The following NBEA variants were observed in gnomAD, a reference collection of about 807,000 sequenced individuals.
The protein encoded by NBEA is lysosomal-trafficking regulator 2.
Under a neutral mutation model 343.4 loss-of-function variants are expected in NBEA, and 44 were observed. That is an observed-to-expected ratio of 0.13 (90% CI 0.10 to 0.16). The LOEUF (loss-of-function observed/expected upper bound fraction) is 0.16. Ranked by LOEUF, NBEA falls within the 10% of genes least tolerant of loss-of-function variation. The pLI is 1.00. For synonymous variants in NBEA, 1,175 were observed against 1,238.7 expected (o/e 0.95, Z 1.08); for missense variants, 2,555 against 3,631.3 (o/e 0.70, Z 7.62).
chr13:35,363,248 T>G lies in NBEA; in HGVS notation c.6179+10925T>G, dbSNP rs543918757. 5.6e-4 allele frequency among the ~76,000 whole-genome samples: 85 copies of G among 152,042 alleles called. 1 individual carries two copies. Among genetic ancestry groups the G allele is most frequent in the African/African-American group, 1.9e-3 (80 of 41,538 alleles). On this transcript the variant is annotated intron_variant, in intron 38 of 58. Coordinates refer to ENST00000379939, the MANE Select transcript of NBEA (RefSeq NM_001385012.1). ...TAATAATTTTACTGGTGTAAAGCCC[T>G]GGGATTCTTATTTCACTCTGGAATC...
chr13:35,241,318 T>G (rs1219511629), intron 34 of NBEA, among the ~76,000 whole-genome samples: 1 of 151,810 alleles, frequency 6.6e-6, no homozygotes, highest in East Asian at 1.9e-4. Flanking sequence ...CATTGTAGAC[T>G]GGGGAGAAAT....
chr13:35,268,851 A>G (rs1392886654), intron 34 of NBEA, among the ~76,000 whole-genome samples: 3 of 152,134 alleles, frequency 2.0e-5, no homozygotes, highest in Non-Finnish European at 4.4e-5. Flanking sequence ...TATGCAAGCC[A>G]GAAGATAATG....
chr13:35,265,922 A>G (rs2033633340), intron 34 of NBEA, among the ~76,000 whole-genome samples: 4 of 151,928 alleles, frequency 2.6e-5, no homozygotes, highest in Admixed American at 6.6e-5. Flanking sequence ...AGTAATCTAC[A>G]GAGTAGGAGA....
At chr13:35,158,917 G>A (rs866020078) in intron 21 of NBEA, 99 bp from the exon 22 acceptor site, 2 of 1,103,070 alleles carry the variant, frequency 1.8e-6, no homozygotes, top group Non-Finnish European at 2.5e-6. Context: ...AAACTTTCTG[G>A]CATTATTTTT....
chr13:35,617,154 A>G (rs1320957180), intron 48 of NBEA, among the ~76,000 whole-genome samples: 1 of 152,226 alleles, frequency 6.6e-6, no homozygotes, highest in Non-Finnish European at 1.5e-5. Flanking sequence ...AGTAAGTTCC[A>G]ACTTGTGTTC....
In NBEA at chr13:34,942,835, G is replaced by GCCGGGC. The variant is rs755881118; in HGVS notation, c.27_32dup (p.Pro10_Gly11dup). 67 of 1,365,162 alleles carry GCCGGGC rather than the reference G, an allele frequency of 4.9e-5. No homozygotes were observed. Among genetic ancestry groups the GCCGGGC allele is most frequent in the East Asian group, 5.9e-5 (2 of 33,786 alleles). 84.6% of individuals were successfully genotyped at this position (1,365,162 alleles called of 1,614,324 possible). On this transcript the variant is annotated inframe_insertion, in exon 1 of 59. Transcript: ENST00000379939. ...GAGGGGGGCCAATGGCTAGCGAGAA[G>GCCGGGC]CCGGGCCCGGGCCCGGGGCTCGAGC...
chr13:35,561,768 T>A (rs2079868896), intron 44 of NBEA, among the ~76,000 whole-genome samples: 1 of 152,110 alleles, frequency 6.6e-6, no homozygotes, highest in Admixed American at 6.5e-5. Flanking sequence ...TGCATATAAA[T>A]AAACACACAT....
chr13:35,214,417 C>T (rs1243169492), intron 33 of NBEA, among the ~76,000 whole-genome samples: 1 of 151,682 alleles, frequency 6.6e-6, no homozygotes. Flanking sequence ...TATTGTCAGT[C>T]TTTTTAAGAC....
intron 28 of NBEA, among the ~76,000 whole-genome samples, chr13:35,179,978 A>G (rs1458890319): frequency 1.6e-4 from 24 of 151,798 alleles, no homozygotes; most frequent in Non-Finnish European, 4.4e-5. Flanking sequence ...AATGTATGAA[A>G]TAGTAAATTA....
At chr13:35,232,850 G>A (rs1419718871) in intron 34 of NBEA, among the ~76,000 whole-genome samples, 1 of 152,054 alleles carries the variant, frequency 6.6e-6, no homozygotes, top group Non-Finnish European at 1.5e-5. Flanking sequence ...TTGAAAAGGT[G>A]TCAGAATGGG....
chr13:34,976,658 T>TG (rs1264457382), intron 1 of NBEA, among the ~76,000 whole-genome samples: 7 of 150,410 alleles, frequency 4.7e-5, no homozygotes, highest in African/African-American at 1.7e-4. Context: ...TTTTTTGTTT[T>TG]TTTTTTTTTT....
At chr13:35,270,616 C>T (rs913004325) in intron 34 of NBEA, among the ~76,000 whole-genome samples, 8 of 152,154 alleles carry the variant, frequency 5.3e-5, no homozygotes, top group South Asian at 4.1e-4. Flanking sequence ...GAATGGTACA[C>T]GCCTGCCCAA....
At chr13:35,174,333 C>T (rs139049497) in intron 27 of NBEA, among the ~76,000 whole-genome samples, 72 of 152,196 alleles carry the variant, frequency 4.7e-4, no homozygotes, top group Middle Eastern at 3.4e-3. Flanking sequence ...TTGACACCCT[C>T]GCTACCACCC....
intron 41 of NBEA, among the ~76,000 whole-genome samples, chr13:35,488,650 T>C (rs2076390164): frequency 6.6e-6 from 1 of 151,878 alleles, no homozygotes; most frequent in Admixed American, 6.6e-5. Flanking sequence ...ATAACAAGAG[T>C]TTCTAAATAA....
intron 4 of NBEA, among the ~76,000 whole-genome samples, chr13:35,046,942 T>A (rs749007438): frequency 1.3e-5 from 2 of 152,102 alleles, no homozygotes; most frequent in Non-Finnish European, 2.9e-5. Flanking sequence ...TCATTTGTGA[T>A]GTTTCTGTTC....
chr13:35,593,766 C>T (rs2153043871), intron 47 of NBEA, among the ~76,000 whole-genome samples: 1 of 152,210 alleles, frequency 6.6e-6, no homozygotes, highest in South Asian at 2.1e-4. Context: ...TTCCATAAAA[C>T]ACAGCAGGAA....
chr13:35,134,567 G>T (rs1464223024), intron 17 of NBEA, among the ~76,000 whole-genome samples: 1 of 151,832 alleles, frequency 6.6e-6, no homozygotes, highest in Non-Finnish European at 1.5e-5. Flanking sequence ...AGAAAAATTA[G>T]AAATTATCTA....
At chr13:35,417,469 G>A (rs373842379) in intron 38 of NBEA, among the ~76,000 whole-genome samples, 46 of 151,984 alleles carry the variant, frequency 3.0e-4, no homozygotes, top group South Asian at 4.2e-4. Context: ...GAACATCTTT[G>A]TTTCTGCCTT....
chr13:35,017,194 A>G (rs1157228305), intron 1 of NBEA, among the ~76,000 whole-genome samples: 4 of 152,014 alleles, frequency 2.6e-5, no homozygotes, highest in African/African-American at 9.7e-5. Context: ...ATTTTTTTTT[A>G]TTAAATAAAG....
Sources: allele counts gnomAD v4.1 joint callset (sites outside exome capture counted in the v4.1 genomes callset), GRCh38; gene constraint gnomAD v4.1.1; transcripts MANE v1.5; gene names NCBI Gene and HGNC (gene_info 2026-07-23, HGNC 2026-07-21).